The following PDE4D variants were observed in gnomAD, a reference collection of about 807,000 sequenced individuals.
PDE4D encodes 3',5'-cyclic-AMP phosphodiesterase 4D.
Under a neutral mutation model 87.4 loss-of-function variants are expected in PDE4D, and 24 were observed. The observed-to-expected ratio is 0.27, with a 90% CI of 0.20 to 0.39. The LOEUF (loss-of-function observed/expected upper bound fraction) is 0.39, where lower values mean the gene tolerates loss of function less well. Ranked by LOEUF, PDE4D falls within the 10% of genes least tolerant of loss-of-function variation. The pLI is 1.00. For synonymous variants in PDE4D, 384 were observed against 383.2 expected, an observed-to-expected ratio of 1.00 and a Z score of -0.02; for missense variants, 714 against 1,041.0, an observed-to-expected ratio of 0.69 and a Z score of 4.32.
At chr5:60,487,546 G>C (rs1688949558) in intron 1 of PDE4D, among the ~76,000 whole-genome samples, 1 of 152,128 alleles carries the variant, frequency 6.6e-6, no homozygotes, top group African/African-American at 2.4e-5. Context: ...AATATTTGCT[G>C]CTTGCTCTCA....
At chr5:60,146,846 A>C (rs1781039922) in intron 2 of PDE4D, among the ~76,000 whole-genome samples, 2 of 152,228 alleles carry the variant, frequency 1.3e-5, no homozygotes, top group South Asian at 2.1e-4. Context: ...AAAGACATAC[A>C]AATGGCCAAC....
intron 2 of PDE4D, among the ~76,000 whole-genome samples, chr5:60,156,950 A>G (rs1015257132): frequency 1.3e-5 from 2 of 152,268 alleles, no homozygotes; most frequent in Non-Finnish European, 2.9e-5. Context: ...TTTCACTACA[A>G]TAAATACTGT....
At chr5:59,398,714 T>C (rs1789980413) in intron 1 of PDE4D, among the ~76,000 whole-genome samples, 1 of 116,416 alleles carries the variant, frequency 8.6e-6, no homozygotes, top group African/African-American at 3.6e-5. Context: ...TAACATAGTG[T>C]TGGAAGTTCT....
chr5:59,938,928 C>A (rs769206031), intron 3 of PDE4D, among the ~76,000 whole-genome samples: 34 of 152,158 alleles, frequency 2.2e-4, no homozygotes, highest in Non-Finnish European at 3.2e-4. Flanking sequence ...GAGATGATTA[C>A]CTATTTCCCC....
intron 1 of PDE4D, among the ~76,000 whole-genome samples, chr5:59,267,717 G>T (rs911259753): frequency 6.6e-6 from 1 of 152,080 alleles, no homozygotes; most frequent in Admixed American, 6.6e-5. Context: ...ATTTGTATTA[G>T]ATATAAAGAA....
chr5:59,719,871 A>G (rs1393930969), intron 1 of PDE4D, among the ~76,000 whole-genome samples: 1 of 152,184 alleles, frequency 6.6e-6, no homozygotes, highest in East Asian at 1.9e-4. Context: ...TCCTATTCCA[A>G]AATTCCAAAA....
At chr5:59,880,438 G>A (rs1581568396) in intron 1 of PDE4D, among the ~76,000 whole-genome samples, 1 of 152,126 alleles carries the variant, frequency 6.6e-6, no homozygotes, top group South Asian at 2.1e-4. Flanking sequence ...ACAAAAAGAT[G>A]TAGTGACAAA....
At chr5:60,025,734 A>G (rs1766552460) in intron 2 of PDE4D, among the ~76,000 whole-genome samples, 1 of 152,138 alleles carries the variant, frequency 6.6e-6, no homozygotes, top group Admixed American at 6.6e-5. Context: ...CATGTAAGTA[A>G]CAAAGACATC....
At chr5:60,499,649 C>T (rs943152739) in intron 1 of PDE4D, among the ~76,000 whole-genome samples, 12 of 152,118 alleles carry the variant, frequency 7.9e-5, no homozygotes, top group African/African-American at 2.2e-4. Flanking sequence ...GGATTCCCAG[C>T]CATCTTCACA....
At chr5:60,019,106 G>A (rs1414382541) in intron 2 of PDE4D, among the ~76,000 whole-genome samples, 1 of 152,102 alleles carries the variant, frequency 6.6e-6, no homozygotes, top group Non-Finnish European at 1.5e-5. Context: ...CTCAGCAAAT[G>A]CAAATGAACT....
intron 1 of PDE4D, among the ~76,000 whole-genome samples, chr5:60,279,720 T>A (rs1262594650): frequency 6.7e-6 from 1 of 149,122 alleles, no homozygotes; most frequent in Non-Finnish European, 1.5e-5. Context: ...AGTCTCACAC[T>A]ATCCCCTGGG....
chr5:59,712,619 A>C (rs1754377020), intron 1 of PDE4D, among the ~76,000 whole-genome samples: 1 of 150,114 alleles, frequency 6.7e-6, no homozygotes, highest in Non-Finnish European at 1.5e-5. Context: ...CCCAATGAGC[A>C]TAAAGCTATT....
At chr5:60,442,891 G>A (rs539366904) in intron 1 of PDE4D, among the ~76,000 whole-genome samples, 3 of 152,108 alleles carry the variant, frequency 2.0e-5, no homozygotes, top group Non-Finnish European at 2.9e-5. Context: ...GCTTTTGTGG[G>A]GCAGATGGTA....
At chr5:59,689,055 C>T (rs183150190) in intron 1 of PDE4D, among the ~76,000 whole-genome samples, 2,263 of 152,176 alleles carry the variant, frequency 0.015, 23 homozygotes, top group South Asian at 0.031. Flanking sequence ...CAATAACAGG[C>T]TCTGAAATTG....
chr5:60,402,233 T>C (rs1741155796), intron 1 of PDE4D, among the ~76,000 whole-genome samples: 1 of 152,186 alleles, frequency 6.6e-6, no homozygotes, highest in Non-Finnish European at 1.5e-5. Context: ...GCAAGTGATA[T>C]CTGCAGAACA....
chr5:60,030,623 CAT>C (rs2152859387), intron 2 of PDE4D, among the ~76,000 whole-genome samples: 1 of 152,310 alleles, frequency 6.6e-6, no homozygotes, highest in South Asian at 2.1e-4. Context: ...TAAAAAGACA[CAT>C]GATTTTAAAA....
At chr5:59,577,701 A>G (rs1388453982) in intron 1 of PDE4D, among the ~76,000 whole-genome samples, 1 of 152,160 alleles carries the variant, frequency 6.6e-6, no homozygotes, top group Admixed American at 6.6e-5. Flanking sequence ...AGTGGTGAGC[A>G]CTGAATGCTG....
intron 5 of PDE4D, among the ~76,000 whole-genome samples, chr5:59,071,683 C>CTTTTTTTTTTTTT (rs10701223): frequency 9.7e-5 from 8 of 82,406 alleles, no homozygotes; most frequent in East Asian, 3.9e-4. Flanking sequence ...TATTTCTCTT[C>CTTTTTTTTTTTTT]TTTTTTTTTT....
intron 1 of PDE4D, among the ~76,000 whole-genome samples, chr5:60,211,771 C>T (rs571723860): frequency 1.4e-3 from 220 of 152,116 alleles, no homozygotes; most frequent in Non-Finnish European, 2.6e-3. Flanking sequence ...CCCTCATTTT[C>T]GTGGTTTATT....
Sources: allele counts gnomAD v4.1 joint callset (sites outside exome capture counted in the v4.1 genomes callset), GRCh38; gene constraint gnomAD v4.1.1; transcripts MANE v1.5; gene names NCBI Gene and HGNC (gene_info 2026-07-23, HGNC 2026-07-21).